Variants in SCAPER observed in about 807,000 individuals in gnomAD.
SCAPER encodes the protein S phase cyclin A-associated protein in the endoplasmic reticulum.
In SCAPER, 98 loss-of-function variants were observed where a neutral mutation model predicts 182.2. That is an observed-to-expected ratio of 0.54 (90% CI 0.46 to 0.64). The LOEUF (loss-of-function observed/expected upper bound fraction) is 0.64, where lower values mean the gene tolerates loss of function less well. Ranked by LOEUF, SCAPER falls within the 30% of genes least tolerant of loss-of-function variation. SCAPER has a pLI of 0.00. For synonymous variants in SCAPER, 605 were observed against 564.6 expected, an observed-to-expected ratio of 1.07 and a Z score of -1.01; for missense variants, 1,432 against 1,690.0, an observed-to-expected ratio of 0.85 and a Z score of 2.68.
chr15:76,409,368 A>C (rs552876003), intron 26 of SCAPER, among the ~76,000 whole-genome samples: 9 of 152,224 alleles, frequency 5.9e-5, no homozygotes, highest in Non-Finnish European at 1.2e-4. Flanking sequence ...GGAAAGAAAC[A>C]TGCTGCTGTA....
chr15:76,899,223 G>A (rs1039056237), intron 1 of SCAPER, among the ~76,000 whole-genome samples: 2 of 152,166 alleles, frequency 1.3e-5, no homozygotes, highest in Non-Finnish European at 2.9e-5. Context: ...GGACTGTACT[G>A]CCATGATCTC....
chr15:76,720,098 G>A (rs1481727344), intron 17 of SCAPER, among the ~76,000 whole-genome samples: 3 of 100,808 alleles, frequency 3.0e-5, no homozygotes, highest in African/African-American at 4.1e-5. Context: ...CCCCACAACA[G>A]TCCCCAGTGT....
chr15:76,798,791 T>C (rs987145594), intron 7 of SCAPER, among the ~76,000 whole-genome samples: 2 of 152,086 alleles, frequency 1.3e-5, no homozygotes. Context: ...GAATTCTACA[T>C]ACTACAAAAC....
intron 21 of SCAPER, among the ~76,000 whole-genome samples, chr15:76,635,782 G>C (rs955904856): frequency 6.6e-6 from 1 of 152,106 alleles, no homozygotes. Context: ...GTCGGATTTT[G>C]TTAAATACTT....
At position 76,786,345 on chromosome 15, in the gene SCAPER, A is replaced by T. The variant is rs564867567; in HGVS notation, c.772+8935T>A. 8.9e-3 allele frequency among the ~76,000 whole-genome samples: 1,331 copies of T among 149,364 alleles called. 24 individuals are homozygous for T. The highest frequency in any genetic ancestry group is 0.032 in the African/African-American group (1,292 of 40,968). ...CTGTCTCAAAAAAAAAAAAAAAAAAATCAATCAATGTAATTCACCACTGTC... is the reference window on the plus strand; with the variant it reads ...CTGTCTCAAAAAAAAAAAAAAAAAATTCAATCAATGTAATTCACCACTGTC... On this transcript the variant is annotated intron_variant, in intron 8 of 31. Transcript: ENST00000563290.
chr15:76,431,487 C>A (rs1596581830), intron 26 of SCAPER, among the ~76,000 whole-genome samples: 2 of 151,698 alleles, frequency 1.3e-5, no homozygotes, highest in African/African-American at 4.8e-5. Context: ...AAGGAAGGGA[C>A]AGATGTCAGA....
intron 23 of SCAPER, among the ~76,000 whole-genome samples, chr15:76,566,236 G>A (rs958165141): frequency 6.6e-5 from 10 of 152,092 alleles, no homozygotes; most frequent in South Asian, 2.1e-4. Flanking sequence ...TACAGGTATC[G>A]GTGAATGGAA....
intron 20 of SCAPER, among the ~76,000 whole-genome samples, chr15:76,695,452 C>A (rs867472554): frequency 1.5e-4 from 23 of 151,904 alleles, no homozygotes; most frequent in African/African-American, 5.3e-4. Context: ...CAAAAATTAG[C>A]AGGGTGAGGT....
intron 26 of SCAPER, among the ~76,000 whole-genome samples, chr15:76,422,421 G>A (rs1351076796): frequency 6.6e-6 from 1 of 152,124 alleles, no homozygotes; most frequent in Non-Finnish European, 1.5e-5. Context: ...CTCTCTGTTT[G>A]TCTGTTACTG....
chr15:76,465,099 G>A (rs553166032), intron 25 of SCAPER, among the ~76,000 whole-genome samples: 1 of 152,162 alleles, frequency 6.6e-6, no homozygotes, highest in African/African-American at 2.4e-5. Flanking sequence ...TTGCTATTGA[G>A]TTGTAGTTCT....
At chr15:76,760,925 A>G (rs1044642730) in intron 14 of SCAPER, among the ~76,000 whole-genome samples, 4 of 152,188 alleles carry the variant, frequency 2.6e-5, no homozygotes, top group African/African-American at 9.7e-5. Flanking sequence ...AAATTTCAAG[A>G]AAGGTTGGTA....
At chr15:76,615,458 T>G (rs2051369155) in intron 22 of SCAPER, among the ~76,000 whole-genome samples, 1 of 144,444 alleles carries the variant, frequency 6.9e-6, no homozygotes, top group African/African-American at 2.6e-5. Flanking sequence ...AACAAATGTG[T>G]CTGTATGTGT....
intron 23 of SCAPER, among the ~76,000 whole-genome samples, chr15:76,515,403 T>C (rs1488871073): frequency 6.6e-6 from 1 of 152,242 alleles, no homozygotes; most frequent in Non-Finnish European, 1.5e-5. Context: ...AGTTCATTAC[T>C]GCAACTATGG....
At chr15:76,756,974 C>T (rs1162401112) in intron 14 of SCAPER, among the ~76,000 whole-genome samples, 2 of 149,584 alleles carry the variant, frequency 1.3e-5, no homozygotes, top group African/African-American at 2.5e-5. Flanking sequence ...AGTTATTCTG[C>T]TCTAAATACA....
intron 24 of SCAPER, among the ~76,000 whole-genome samples, chr15:76,483,174 G>A (rs1428484622): frequency 6.6e-6 from 1 of 151,896 alleles, no homozygotes; most frequent in Non-Finnish European, 1.5e-5. Context: ...AACAGAATAA[G>A]GGAGACCAGA....
rs1008098330 is a variant in SCAPER at position 76,765,914 on chromosome 15, T to C, written c.1420-276A>G. ...TGGCCTTATCCTATTACTACATAAA[T>C]GCTAACATATAAAAAGCAAATATTG... On this transcript the variant is annotated intron_variant, in intron 11 of 31. Coordinates refer to ENST00000563290, the MANE Select transcript of SCAPER (RefSeq NM_020843.4). Among the ~76,000 whole-genome samples the C allele has an allele frequency of 4.6e-5, 7 of 152,134 alleles. No individual in the cohort carries two copies. The South Asian group carries it at 1.2e-3, about 27-fold the overall frequency.
chr15:76,687,667 A>T (rs2058106822), intron 20 of SCAPER, among the ~76,000 whole-genome samples: 1 of 151,978 alleles, frequency 6.6e-6, no homozygotes. Flanking sequence ...TTCAGCTCCC[A>T]CTTATGAGTG....
intron 18 of SCAPER, among the ~76,000 whole-genome samples, 175 bp from the exon 19 acceptor site, chr15:76,703,177 G>C (rs1043491621): frequency 6.6e-6 from 1 of 152,202 alleles, no homozygotes. Flanking sequence ...CACATGAACA[G>C]TAATGTTTAT....
At chr15:76,548,231 CTGTT>C (rs1412814572) in intron 23 of SCAPER, among the ~76,000 whole-genome samples, 1 of 151,842 alleles carries the variant, frequency 6.6e-6, no homozygotes, top group African/African-American at 2.4e-5. Context: ...AATATAAAAA[CTGTT>C]TGTGGAGTTA....
Sources: gnomAD v4.1 joint callset for allele counts (sites outside exome capture counted in the v4.1 genomes callset) on GRCh38, gnomAD v4.1.1 for gene constraint, MANE v1.5 for transcripts, NCBI Gene and HGNC (gene_info 2026-07-23, HGNC 2026-07-21) for gene names.